CNOT6L: variants seen among roughly 807,000 people sequenced by gnomAD.
CNOT6L encodes CCR4-NOT transcription complex subunit 6 like, also known as CCR4-NOT transcription complex subunit 6-like.
In CNOT6L, 7 loss-of-function variants were observed where a neutral mutation model predicts 64.0. The observed-to-expected ratio is 0.11, with a 90% confidence interval of 0.06 to 0.21. CNOT6L has a LOEUF of 0.21. Ranked by LOEUF, CNOT6L falls within the 10% of genes least tolerant of loss-of-function variation. The pLI is 1.00. For synonymous variants in CNOT6L, 193 were observed against 243.4 expected (o/e 0.79, Z 1.93); for missense variants, 245 against 669.0 (o/e 0.37, Z 6.99).
chr4:77,798,151 A>AC (rs1321451770), intron 1 of CNOT6L, among the ~76,000 whole-genome samples: 2 of 151,878 alleles, frequency 1.3e-5, no homozygotes, highest in African/African-American at 4.8e-5. Context: ...ATATAGCAAG[A>AC]CCCCGTCTTT....
chr4:77,776,196 CA>C, intron 2 of CNOT6L, 74 bp downstream of exon 2: 3 of 1,470,960 alleles, frequency 2.0e-6, no homozygotes, highest in Admixed American at 2.0e-5. Flanking sequence ...AAATGTACAA[CA>C]AAAAATATAG....
chr4:77,746,083 A>G (rs1001224697), intron 6 of CNOT6L, among the ~76,000 whole-genome samples: 1 of 152,214 alleles, frequency 6.6e-6, no homozygotes, highest in African/African-American at 2.4e-5. Flanking sequence ...TTACCTTACT[A>G]TGCTTCTCAG....
At chr4:77,779,822 G>A (rs555969735) in intron 1 of CNOT6L, among the ~76,000 whole-genome samples, 1 of 152,102 alleles carries the variant, frequency 6.6e-6, no homozygotes, top group Non-Finnish European at 1.5e-5. Context: ...AAATTAGCCG[G>A]GTGTGGTCGC....
At chr4:77,803,628 G>A (rs1205698323) in intron 1 of CNOT6L, among the ~76,000 whole-genome samples, 2 of 152,180 alleles carry the variant, frequency 1.3e-5, no homozygotes, top group African/African-American at 4.8e-5. Flanking sequence ...GGTAGGGCAG[G>A]TGCGGTTGCT....
At chr4:77,763,742 T>C (rs1014277122) in intron 4 of CNOT6L, among the ~76,000 whole-genome samples, 33 of 152,328 alleles carry the variant, frequency 2.2e-4, no homozygotes, top group African/African-American at 7.7e-4. Context: ...ACCAATCATA[T>C]ACTATGCCAT....
intron 1 of CNOT6L, among the ~76,000 whole-genome samples, chr4:77,816,681 C>G (rs1733618215): frequency 6.6e-6 from 1 of 152,062 alleles, no homozygotes; most frequent in African/African-American, 2.4e-5. Flanking sequence ...TTTTTTAAAG[C>G]TTATCATTAT....
In CNOT6L at chr4:77,758,729, A is replaced by G. The variant is rs116257361; in HGVS notation, c.401-1778T>C. On this transcript the variant is annotated intron_variant, in intron 4 of 11. Coordinates refer to ENST00000504123, the MANE Select transcript of CNOT6L (RefSeq NM_144571.3). Reference sequence around the variant, plus strand: ...AAAAACTCCAAGAGGGCCTAGTCTTAGGGCATTCCCACACTTTCCTAAGTT... The same window carrying G: ...AAAAACTCCAAGAGGGCCTAGTCTTGGGGCATTCCCACACTTTCCTAAGTT... Among the ~76,000 whole-genome samples the G allele has an allele frequency of 2.7e-3, 406 of 152,338 alleles. 4 individuals carry two copies. Among genetic ancestry groups the G allele is most frequent in the African/African-American group, 9.3e-3 (388 of 41,578 alleles).
Position 77,715,235 on chromosome 4 carries a change from C to T in CNOT6L, c.*5196G>A, listed in dbSNP as rs1242793596. The T allele has an allele frequency of 6.6e-6, 1 of 152,090 alleles. No homozygotes were observed. The highest frequency in any genetic ancestry group is 1.5e-5 in the Non-Finnish European group (1 of 68,006). The allele number at this position is 152,090 out of a possible 1,614,324, so 9.4% of individuals were successfully genotyped here. ...GAAAGCTGAATGGACCATGCTACCA[C>T]CATGCCAAAAGAGTCATATCACTTG... is the stretch of plus-strand genomic sequence containing the variant. On this transcript the variant is annotated 3_prime_UTR_variant, in exon 12 of 12. Coordinates refer to ENST00000504123, the MANE Select transcript of CNOT6L (RefSeq NM_144571.3).
intron 5 of CNOT6L, among the ~76,000 whole-genome samples, chr4:77,756,033 G>C (rs1725540555): frequency 6.6e-6 from 1 of 151,952 alleles, no homozygotes; most frequent in East Asian, 1.9e-4. Context: ...ACCCAGGCTG[G>C]AGTGCAGCGG....
intron 6 of CNOT6L, among the ~76,000 whole-genome samples, chr4:77,745,957 G>A (rs1724150673): frequency 1.3e-5 from 2 of 152,186 alleles, no homozygotes; most frequent in Non-Finnish European, 2.9e-5. Flanking sequence ...TGACCATTTT[G>A]TACACTGGGA....
chr4:77,739,578 T>G (rs1392987696), intron 8 of CNOT6L, among the ~76,000 whole-genome samples: 1 of 152,224 alleles, frequency 6.6e-6, no homozygotes. Flanking sequence ...AGCTAAGACA[T>G]GGATAAATAT....
intron 8 of CNOT6L, among the ~76,000 whole-genome samples, chr4:77,735,865 A>G (rs1471249064): frequency 6.6e-6 from 1 of 152,166 alleles, no homozygotes; most frequent in Admixed American, 6.5e-5. Flanking sequence ...TTTCTTAGTA[A>G]TGATCATAGG....
chr4:77,734,641 T>TTAAG (rs915915360), intron 8 of CNOT6L, among the ~76,000 whole-genome samples: 2 of 152,310 alleles, frequency 1.3e-5, no homozygotes, highest in African/African-American at 4.8e-5. Context: ...TTTACCTCAG[T>TTAAG]TAAGTATCAC....
At chr4:77,775,605 A>T (rs1346997319) in intron 2 of CNOT6L, among the ~76,000 whole-genome samples, 1 of 152,132 alleles carries the variant, frequency 6.6e-6, no homozygotes, top group Non-Finnish European at 1.5e-5. Context: ...CTTTACTTGG[A>T]TTTCACCAGT....
chr4:77,819,191 T>TC, intron 1 of CNOT6L, 113 bp downstream of exon 1: 1 of 1,599,860 alleles, frequency 6.3e-7, no homozygotes, highest in African/African-American at 1.4e-5. Flanking sequence ...CCCGCCAAAG[T>TC]CCCAACTCGC....
intron 1 of CNOT6L, among the ~76,000 whole-genome samples, chr4:77,786,368 T>C (rs907283699): frequency 6.6e-6 from 1 of 151,914 alleles, no homozygotes; most frequent in African/African-American, 2.4e-5. Context: ...ATCCCAGCAC[T>C]TTGGGAGGCT....
intron 1 of CNOT6L, among the ~76,000 whole-genome samples, chr4:77,788,548 C>T (rs1000042180): frequency 2.0e-5 from 3 of 151,916 alleles, no homozygotes; most frequent in South Asian, 4.2e-4. Context: ...GGCAATACGG[C>T]GAAACCCCAT....
intron 1 of CNOT6L, among the ~76,000 whole-genome samples, chr4:77,782,913 T>A (rs575854406): frequency 6.6e-6 from 1 of 152,196 alleles, no homozygotes; most frequent in South Asian, 2.1e-4. Flanking sequence ...TATAGTAAGA[T>A]CATATTGACA....
chr4:77,819,091 C>A (rs367722470), intron 1 of CNOT6L: 1 of 817,582 alleles, frequency 1.2e-6, no homozygotes, highest in South Asian at 1.5e-5. Flanking sequence ...AACCTTCGCC[C>A]GCCTCTGAAG....
Sources: allele counts gnomAD v4.1 joint callset (sites outside exome capture counted in the v4.1 genomes callset), GRCh38; gene constraint gnomAD v4.1.1; transcripts MANE v1.5; gene names NCBI Gene and HGNC (gene_info 2026-07-23, HGNC 2026-07-21).